Variants in ZCWPW2 observed in about 807,000 individuals in gnomAD.
The protein encoded by ZCWPW2 is zinc finger CW-type PWWP domain protein 2.
ZCWPW2 carries 45 observed loss-of-function variants against 46.6 expected under a neutral mutation model. That is an observed-to-expected ratio of 0.96 (90% CI 0.76 to 1.24). ZCWPW2 has a LOEUF of 1.24. Among genes scored for constraint, ZCWPW2 ranks in the 50% most tolerant of loss-of-function variants. ZCWPW2 has a pLI of 0.00. For missense variants in ZCWPW2, 429 were observed against 403.9 expected, an observed-to-expected ratio of 1.06 and a Z score of -0.53; for synonymous variants, 152 against 137.1, an observed-to-expected ratio of 1.11 and a Z score of -0.76.
In ZCWPW2 at chr3:28,348,946, C is replaced by A. The variant is rs951033893; in HGVS notation, c.-391C>A. On this transcript the variant is annotated 5_prime_UTR_variant, in exon 1 of 10. Transcript: ENST00000383768. ...CGGGCCGGAGGGAGGGGAAGCACTC[C>A]GGAAAGTGATTGGAAGTGTGGATGA... The A allele has an allele frequency of 1.2e-5, 12 of 985,350 alleles. No homozygotes were observed. The highest frequency in any genetic ancestry group is 1.3e-5 in the Non-Finnish European group (11 of 829,998). 61.0% of individuals were successfully genotyped at this position (985,350 alleles called of 1,614,324 possible).
chr3:28,373,137 C>T (rs1290162404), intron 1 of ZCWPW2, among the ~76,000 whole-genome samples: 1 of 152,112 alleles, frequency 6.6e-6, no homozygotes, highest in Non-Finnish European at 1.5e-5. Flanking sequence ...GAAGCTATCT[C>T]TTTGATACAA....
intron 1 of ZCWPW2, 43 bp from the exon 2 acceptor site, chr3:28,390,455 T>G: frequency 1.0e-6 from 1 of 978,802 alleles, no homozygotes; most frequent in African/African-American, 1.7e-5. Context: ...ATGTGGGTAT[T>G]ATATAGTTTT....
intron 1 of ZCWPW2, among the ~76,000 whole-genome samples, chr3:28,388,160 C>T (rs886243350): frequency 3.3e-5 from 5 of 152,056 alleles, no homozygotes; most frequent in African/African-American, 1.2e-4. Context: ...GAATGGATGA[C>T]GCCCACCTAC....
chr3:28,476,553 C>A (rs1313116457), intron 4 of ZCWPW2, among the ~76,000 whole-genome samples: 2 of 152,140 alleles, frequency 1.3e-5, no homozygotes, highest in African/African-American at 4.8e-5. Flanking sequence ...TGTAGGGCAG[C>A]AGTCTCCAAC....
chr3:28,398,064 A>C (rs1268679943), intron 2 of ZCWPW2: 1 of 152,224 alleles, frequency 6.6e-6, no homozygotes, highest in Non-Finnish European at 1.5e-5. Context: ...TGCTATAACA[A>C]ATTACCGTAG....
chr3:28,385,169 G>C (rs1363889678), intron 1 of ZCWPW2, among the ~76,000 whole-genome samples: 1 of 152,162 alleles, frequency 6.6e-6, no homozygotes, highest in Non-Finnish European at 1.5e-5. Flanking sequence ...AAGACAAGTA[G>C]TCAAGACCTG....
At chr3:28,380,961 TATATATATA>T (rs1695043982) in intron 1 of ZCWPW2, among the ~76,000 whole-genome samples, 4 of 55,400 alleles carry the variant, frequency 7.2e-5, no homozygotes, top group Non-Finnish European at 9.4e-5. Flanking sequence ...TATATATATA[TATATATATA>T]TTTGGTATAT....
At chr3:28,370,653 A>G (rs539894063) in intron 1 of ZCWPW2, among the ~76,000 whole-genome samples, 18 of 152,330 alleles carry the variant, frequency 1.2e-4, no homozygotes, top group Admixed American at 2.0e-4. Context: ...TTACATGACT[A>G]TATTCACTTT....
chr3:28,505,289 T>A (rs1392539016), intron 6 of ZCWPW2, among the ~76,000 whole-genome samples: 2 of 152,162 alleles, frequency 1.3e-5, no homozygotes, highest in Non-Finnish European at 2.9e-5. Context: ...AACGGCAAGA[T>A]ATTTATAAGT....
At chr3:28,386,258 A>G (rs1695269041) in intron 1 of ZCWPW2, among the ~76,000 whole-genome samples, 1 of 152,170 alleles carries the variant, frequency 6.6e-6, no homozygotes, top group Non-Finnish European at 1.5e-5. Context: ...CTTTTCTTGC[A>G]TACACGCCAA....
In ZCWPW2 at chr3:28,417,728, C is replaced by T. The variant is rs367575152; in HGVS notation, c.332+4328C>T. On this transcript the variant is annotated intron_variant, in intron 3 of 9. Coordinates refer to ENST00000383768, the MANE Select transcript of ZCWPW2 (RefSeq NM_001040432.4). ...GGTTCAACATACGAAAATCAATAAA[C>T]GTACTCCAGCATATAAACAGAACCA... Among the ~76,000 whole-genome samples the T allele has an allele frequency of 8.7e-4, 94 of 108,010 alleles. 1 individual carries two copies. In the East Asian group the frequency reaches 0.011, roughly 12 times the overall value. 70.9% of individuals were successfully genotyped at this position (108,010 alleles called of 152,430 possible). A position where few individuals can be genotyped will look rare whatever the true frequency, so the allele number is the denominator to read the frequency against.
intron 1 of ZCWPW2, among the ~76,000 whole-genome samples, chr3:28,364,360 G>T (rs1422711287): frequency 6.6e-6 from 1 of 151,710 alleles, no homozygotes; most frequent in East Asian, 1.9e-4. Context: ...TTCTTCATTG[G>T]CTGGTGGGCA....
intron 1 of ZCWPW2, among the ~76,000 whole-genome samples, chr3:28,359,925 T>C (rs758398943): frequency 2.0e-5 from 3 of 152,172 alleles, no homozygotes; most frequent in Non-Finnish European, 4.4e-5. Flanking sequence ...TAATAAGAAA[T>C]TTTAGGAAAA....
In ZCWPW2 at chr3:28,411,432, C is replaced by A. The variant is rs542010097; in HGVS notation, c.-13-1624C>A. 6.6e-5 allele frequency among the ~76,000 whole-genome samples: 10 copies of A among 151,816 alleles called. No homozygotes were observed. In the South Asian group the frequency reaches 2.1e-3, roughly 32 times the overall value. ...GTCTCTACAAAAACCGTACTCCCAA[C>A]ATAACAAACATTCGAAGCATTCTCT... On this transcript the variant is annotated intron_variant, in intron 2 of 9. Coordinates refer to ENST00000383768, the MANE Select transcript of ZCWPW2 (RefSeq NM_001040432.4).
intron 1 of ZCWPW2, among the ~76,000 whole-genome samples, chr3:28,353,942 T>C (rs1228885331): frequency 1.3e-5 from 2 of 152,216 alleles, no homozygotes; most frequent in Non-Finnish European, 2.9e-5. Context: ...TCTGAGGCTT[T>C]GCAGTTATAC....
At chr3:28,414,146 G>T (rs1326986039) in intron 3 of ZCWPW2, among the ~76,000 whole-genome samples, 3 of 151,472 alleles carry the variant, frequency 2.0e-5, no homozygotes, top group Admixed American at 2.0e-4. Flanking sequence ...TACTTATGGT[G>T]GCTATTTGTC....
chr3:28,512,945 A>G (rs1434996858), intron 6 of ZCWPW2, among the ~76,000 whole-genome samples: 3 of 152,158 alleles, frequency 2.0e-5, no homozygotes, highest in African/African-American at 7.2e-5. Flanking sequence ...TGAAAATCAT[A>G]AATGTAGATA....
intron 8 of ZCWPW2, among the ~76,000 whole-genome samples, chr3:28,518,135 CAAA>C (rs35463839): frequency 1.3e-5 from 1 of 75,984 alleles, no homozygotes; most frequent in Non-Finnish European, 2.4e-5. Flanking sequence ...GACTCCGTCT[CAAA>C]AAAAAAAAAA....
chr3:28,401,289 G>A (rs1432384554), intron 2 of ZCWPW2, among the ~76,000 whole-genome samples: 1 of 152,130 alleles, frequency 6.6e-6, no homozygotes, highest in African/African-American at 2.4e-5. Context: ...AACATTGAAT[G>A]TAAATGGCCT....
Sources: gnomAD v4.1 joint callset for allele counts (sites outside exome capture counted in the v4.1 genomes callset) on GRCh38, gnomAD v4.1.1 for gene constraint, MANE v1.5 for transcripts, NCBI Gene and HGNC (gene_info 2026-07-23, HGNC 2026-07-21) for gene names.